The following NRXN3 variants were observed in gnomAD, a reference collection of about 807,000 sequenced individuals.
NRXN3 encodes neurexin 3, also known as neurexin III.
In NRXN3, 32 loss-of-function variants were observed where a neutral mutation model predicts 137.6. That is an observed-to-expected ratio of 0.23 (90% CI 0.18 to 0.31). The LOEUF (loss-of-function observed/expected upper bound fraction) is 0.31. Ranked by LOEUF, NRXN3 falls within the 10% of genes least tolerant of loss-of-function variation. NRXN3 has a pLI of 1.00. For synonymous variants in NRXN3, 798 were observed against 784.5 expected (o/e 1.02, Z -0.29); for missense variants, 1,574 against 2,062.5 (o/e 0.76, Z 4.59).
rs146900245 is a variant in NRXN3, at chr14:78,718,817, C to T, written c.2044+3678C>T. 6.1e-3 allele frequency among the ~76,000 whole-genome samples: 934 copies of T among 152,264 alleles called. 4 individuals are homozygous for T. The highest frequency in any genetic ancestry group is 0.011 in the Non-Finnish European group (758 of 68,018). On this transcript the variant is annotated intron_variant, in intron 8 of 20. Transcript: ENST00000335750. ...TGGCTATTCATAGTGATGTGAGAGA[C>T]GTCTCCATGACCTAAACAGCAAAGG...
chr14:78,233,836 C>T (rs950565839), intron 1 of NRXN3, among the ~76,000 whole-genome samples: 8 of 152,144 alleles, frequency 5.3e-5, no homozygotes, highest in African/African-American at 1.9e-4. Flanking sequence ...TTGTCTGTGA[C>T]ACTGGAATGA....
chr14:78,398,586 C>A (rs1031617550), intron 4 of NRXN3, among the ~76,000 whole-genome samples: 1 of 152,078 alleles, frequency 6.6e-6, no homozygotes, highest in Non-Finnish European at 1.5e-5. Context: ...ATTGATACCT[C>A]CCTATCTAAG....
intron 15 of NRXN3, among the ~76,000 whole-genome samples, chr14:79,433,697 G>A (rs2095800041): frequency 6.6e-6 from 1 of 152,168 alleles, no homozygotes; most frequent in Non-Finnish European, 1.5e-5. Flanking sequence ...AGTGAAATAA[G>A]ATTTTAATAC....
At chr14:79,130,383 A>G (rs1179603134) in intron 15 of NRXN3, among the ~76,000 whole-genome samples, 1 of 152,050 alleles carries the variant, frequency 6.6e-6, no homozygotes, top group Non-Finnish European at 1.5e-5. Flanking sequence ...GGTGGTGACA[A>G]AATCTCTCAG....
At chr14:78,942,804 A>G (rs1315474357) in intron 10 of NRXN3, among the ~76,000 whole-genome samples, 1 of 152,226 alleles carries the variant, frequency 6.6e-6, no homozygotes, top group Non-Finnish European at 1.5e-5. Context: ...AATATTTGAG[A>G]TGATGGATAT....
intron 14 of NRXN3, among the ~76,000 whole-genome samples, chr14:78,972,703 G>A (rs748027417): frequency 5.9e-5 from 9 of 152,102 alleles, no homozygotes; most frequent in Non-Finnish European, 1.3e-4. Context: ...GTCCCCCTCT[G>A]CCCTACTCCC....
At chr14:78,969,778 A>G (rs2099430375) in intron 14 of NRXN3, among the ~76,000 whole-genome samples, 1 of 151,444 alleles carries the variant, frequency 6.6e-6, no homozygotes, top group South Asian at 2.1e-4. Flanking sequence ...AATATTTCTT[A>G]AATTGTCTTG....
chr14:78,840,937 C>A (rs2099010647), intron 10 of NRXN3, among the ~76,000 whole-genome samples: 1 of 152,192 alleles, frequency 6.6e-6, no homozygotes, highest in East Asian at 1.9e-4. Flanking sequence ...AAGCAATTCA[C>A]ACACATTACT....
chr14:79,626,644 C>G (rs1567705184), intron 16 of NRXN3, among the ~76,000 whole-genome samples: 1 of 152,064 alleles, frequency 6.6e-6, no homozygotes, highest in Non-Finnish European at 1.5e-5. Flanking sequence ...TTTATTGATT[C>G]ATTGCTTATT....
At chr14:79,739,458 A>C (rs1396172009) in intron 19 of NRXN3, among the ~76,000 whole-genome samples, 1 of 151,840 alleles carries the variant, frequency 6.6e-6, no homozygotes, top group Non-Finnish European at 1.5e-5. Flanking sequence ...CAGCCTGGCC[A>C]ACATGGTGAA....
At chr14:79,766,765 C>G (rs2099057336) in intron 19 of NRXN3, among the ~76,000 whole-genome samples, 1 of 152,138 alleles carries the variant, frequency 6.6e-6, no homozygotes, top group Non-Finnish European at 1.5e-5. Context: ...ATCTTAAAGC[C>G]AAGCTACAAA....
intron 15 of NRXN3, among the ~76,000 whole-genome samples, chr14:79,358,605 A>ACG (rs2093536633): frequency 7.5e-5 from 2 of 26,824 alleles, no homozygotes; most frequent in African/African-American, 2.0e-4. Flanking sequence ...GAAAGAAAGA[A>ACG]AGAGAAAGAA....
chr14:78,544,544 A>G (rs543262267), intron 4 of NRXN3, among the ~76,000 whole-genome samples: 1 of 152,348 alleles, frequency 6.6e-6, no homozygotes, highest in South Asian at 2.1e-4. Context: ...TCAATTCCCA[A>G]ATAGCCCTAG....
intron 10 of NRXN3, among the ~76,000 whole-genome samples, chr14:78,848,235 G>A (rs1425988835): frequency 2.0e-5 from 3 of 152,102 alleles, no homozygotes; most frequent in Non-Finnish European, 2.9e-5. Context: ...TTTAGTGAGC[G>A]AGTTTAAGAA....
chr14:79,553,901 G>C (rs1188564362), intron 16 of NRXN3, among the ~76,000 whole-genome samples: 1 of 152,048 alleles, frequency 6.6e-6, no homozygotes, highest in East Asian at 1.9e-4. Flanking sequence ...TTTAATGAAT[G>C]GGCAGGAACT....
intron 4 of NRXN3, among the ~76,000 whole-genome samples, chr14:78,551,214 T>C (rs905334916): frequency 2.0e-5 from 3 of 152,240 alleles, no homozygotes; most frequent in Admixed American, 2.0e-4. Flanking sequence ...TAAGGCTCTA[T>C]TGGCATTTGC....
intron 4 of NRXN3, among the ~76,000 whole-genome samples, chr14:78,453,023 A>G (rs2094587896): frequency 6.6e-6 from 1 of 152,198 alleles, no homozygotes; most frequent in Non-Finnish European, 1.5e-5. Context: ...TTATTTCCTA[A>G]AGTGACCCAG....
rs964511231 is a variant in NRXN3, at chr14:78,532,740, C to CT, written c.758-112370dup. ...CTTTGTTTATCTTCGCTTTCTTCTTCTTTTTTTTTTCCTTCGTATCCAAAT... is the reference window on the plus strand; with the variant it reads ...CTTTGTTTATCTTCGCTTTCTTCTTCTTTTTTTTTTTCCTTCGTATCCAAAT... On this transcript the variant is annotated intron_variant, in intron 4 of 20. Coordinates refer to ENST00000335750, the MANE Select transcript of NRXN3 (RefSeq NM_001330195.2). Among the ~76,000 whole-genome samples the CT allele has an allele frequency of 6.0e-4, 89 of 149,200 alleles. 1 individual carries two copies. Among genetic ancestry groups the CT allele is most frequent in the Admixed American group, 1.3e-3 (19 of 14,934 alleles).
chr14:79,316,729 C>CT (rs1555372929), intron 15 of NRXN3, among the ~76,000 whole-genome samples: 6 of 137,938 alleles, frequency 4.3e-5, no homozygotes, highest in African/African-American at 8.4e-5. Context: ...CTGTCCTGTC[C>CT]CTCTCTCTCT....
Sources: allele counts gnomAD v4.1 joint callset (sites outside exome capture counted in the v4.1 genomes callset), GRCh38; gene constraint gnomAD v4.1.1; transcripts MANE v1.5; gene names NCBI Gene and HGNC (gene_info 2026-07-23, HGNC 2026-07-21).